Variants in GRIA4 observed in about 807,000 individuals in gnomAD.
GRIA4 encodes glutamate ionotropic receptor AMPA type subunit 4.
Under a neutral mutation model 104.0 loss-of-function variants are expected in GRIA4, and 34 were observed. That is an observed-to-expected ratio of 0.33 (90% CI 0.25 to 0.44). The LOEUF (loss-of-function observed/expected upper bound fraction) is 0.44, where lower values mean the gene tolerates loss of function less well. GRIA4 is among the 20% of genes least tolerant of loss of function. The pLI is 1.00. For synonymous variants in GRIA4, 386 were observed against 381.9 expected, an observed-to-expected ratio of 1.01 and a Z score of -0.13; for missense variants, 750 against 1,096.5, an observed-to-expected ratio of 0.68 and a Z score of 4.46.
At chr11:105,622,899 C>T (rs1950786663) in intron 3 of GRIA4, among the ~76,000 whole-genome samples, 1 of 151,636 alleles carries the variant, frequency 6.6e-6, no homozygotes, top group Non-Finnish European at 1.5e-5. Context: ...TCCATGAGTA[C>T]ACATTGCTTA....
At chr11:105,624,608 A>T (rs1591456779) in intron 3 of GRIA4, among the ~76,000 whole-genome samples, 2 of 152,152 alleles carry the variant, frequency 1.3e-5, no homozygotes, top group East Asian at 3.9e-4. Context: ...TCCTTGGTTA[A>T]TTACTTAATC....
intron 4 of GRIA4, among the ~76,000 whole-genome samples, chr11:105,854,861 C>A (rs189073989): frequency 1.6e-4 from 24 of 152,212 alleles, no homozygotes; most frequent in Non-Finnish European, 2.8e-4. Flanking sequence ...GACTTGAGTT[C>A]ATTCACATTT....
At chr11:105,930,441 G>A (rs368478806) in intron 13 of GRIA4, among the ~76,000 whole-genome samples, 1 of 151,854 alleles carries the variant, frequency 6.6e-6, no homozygotes, top group African/African-American at 2.4e-5. Flanking sequence ...CTACTCTGTG[G>A]ATTCCTCTTT....
chr11:105,804,843 T>G (rs1049755381), intron 4 of GRIA4, among the ~76,000 whole-genome samples: 3 of 151,944 alleles, frequency 2.0e-5, no homozygotes, highest in Non-Finnish European at 2.9e-5. Context: ...TAAAGATCAT[T>G]GCAGTGGGAT....
intron 16 of GRIA4, among the ~76,000 whole-genome samples, chr11:105,979,363 A>G (rs3758790): frequency 0.35 from 53,305 of 152,116 alleles, 9,392 homozygotes; most frequent in East Asian, 0.38. Context: ...TTTTTCCACA[A>G]GTAGGACCAC....
chr11:105,973,178 T>G (rs1335914332), intron 15 of GRIA4, among the ~76,000 whole-genome samples: 1 of 152,156 alleles, frequency 6.6e-6, no homozygotes, highest in African/African-American at 2.4e-5. Flanking sequence ...GTTGATGTTG[T>G]GACTAAGGTG....
intron 16 of GRIA4, among the ~76,000 whole-genome samples, chr11:105,976,785 A>G (rs1248271312): frequency 6.6e-6 from 1 of 152,114 alleles, no homozygotes; most frequent in Non-Finnish European, 1.5e-5. Flanking sequence ...AACCCAGACC[A>G]TATGTAAAAT....
intron 14 of GRIA4, among the ~76,000 whole-genome samples, chr11:105,946,777 T>C (rs1948324941): frequency 6.6e-6 from 1 of 152,056 alleles, no homozygotes; most frequent in Admixed American, 6.5e-5. Flanking sequence ...TAGGAAAGTT[T>C]TAAGATCAGG....
chr11:105,865,447 T>C (rs1223458269), intron 5 of GRIA4, among the ~76,000 whole-genome samples: 2 of 152,206 alleles, frequency 1.3e-5, no homozygotes, highest in Admixed American at 6.5e-5. Context: ...GAATTTTTTA[T>C]AGAATATTTT....
intron 3 of GRIA4, among the ~76,000 whole-genome samples, chr11:105,626,816 C>T (rs1950898143): frequency 6.6e-6 from 1 of 152,062 alleles, no homozygotes; most frequent in Non-Finnish European, 1.5e-5. Flanking sequence ...ACAGAAGGGG[C>T]AGGGTCATGG....
chr11:105,934,229 A>C (rs1035129652), intron 14 of GRIA4, among the ~76,000 whole-genome samples: 1 of 152,088 alleles, frequency 6.6e-6, no homozygotes, highest in Admixed American at 6.6e-5. Flanking sequence ...AGTGGGCCTA[A>C]GGCATGGGTA....
At chr11:105,696,301 T>C (rs566858065) in intron 3 of GRIA4, among the ~76,000 whole-genome samples, 2 of 152,338 alleles carry the variant, frequency 1.3e-5, no homozygotes, top group Admixed American at 1.3e-4. Context: ...TGTGTCATCA[T>C]TGCCCATCTC....
rs1224251492 is a variant in GRIA4 at position 105,906,098 on chromosome 11, C to A, written c.1158+797C>A. On this transcript the variant is annotated intron_variant, in intron 9 of 16. Coordinates refer to ENST00000282499, the MANE Select transcript of GRIA4 (RefSeq NM_000829.4). ...ATTTGGCTGTTTAAAAAAAAAATTTCCAAAATATATTTTCATGTTTTTATG... is the reference window on the plus strand; with the variant it reads ...ATTTGGCTGTTTAAAAAAAAAATTTACAAAATATATTTTCATGTTTTTATG... 2.0e-5 allele frequency among the ~76,000 whole-genome samples: 3 copies of A among 152,176 alleles called. No homozygotes were observed. The East Asian group carries it at 5.8e-4, about 29-fold the overall frequency.
chr11:105,895,585 G>A (rs73542823), intron 6 of GRIA4, among the ~76,000 whole-genome samples: 2,021 of 147,192 alleles, frequency 0.014, 58 homozygotes, highest in African/African-American at 0.047. Flanking sequence ...AATAGAAAAT[G>A]TGTACACAAT....
At chr11:105,859,415 T>C (rs1390250251) in intron 4 of GRIA4, among the ~76,000 whole-genome samples, 2 of 152,300 alleles carry the variant, frequency 1.3e-5, no homozygotes, top group Non-Finnish European at 1.5e-5. Flanking sequence ...CCAATTCTAG[T>C]GTCATTTGTA....
At chr11:105,806,642 T>C (rs1204178303) in intron 4 of GRIA4, among the ~76,000 whole-genome samples, 1 of 151,770 alleles carries the variant, frequency 6.6e-6, no homozygotes, top group Non-Finnish European at 1.5e-5. Context: ...AAACAGGCTG[T>C]GAAATGAAAT....
intron 3 of GRIA4, among the ~76,000 whole-genome samples, chr11:105,720,329 A>ATTCATCATT (rs2135574092): frequency 2.0e-5 from 3 of 152,142 alleles, no homozygotes; most frequent in African/African-American, 7.2e-5. Context: ...GCCTGCCAGG[A>ATTCATCATT]GCTGTGCCAC....
chr11:105,644,609 C>G (rs2135362125), intron 3 of GRIA4, among the ~76,000 whole-genome samples: 1 of 151,880 alleles, frequency 6.6e-6, no homozygotes, highest in Non-Finnish European at 1.5e-5. Flanking sequence ...ATCTCAAAAA[C>G]TAAATTAATT....
At chr11:105,903,766 T>G in intron 7 of GRIA4, 48 bp from the exon 8 acceptor site, 3 of 1,335,612 alleles carry the variant, frequency 2.2e-6, no homozygotes, top group Non-Finnish European at 3.2e-6. Context: ...TTTCTGGCAC[T>G]CGATAAGATT....
Sources: gnomAD v4.1 joint callset for allele counts (sites outside exome capture counted in the v4.1 genomes callset) on GRCh38, gnomAD v4.1.1 for gene constraint, MANE v1.5 for transcripts, NCBI Gene and HGNC (gene_info 2026-07-23, HGNC 2026-07-21) for gene names.